NUCKS1: variants seen among roughly 807,000 people sequenced by gnomAD.
The protein encoded by NUCKS1 is nuclear casein kinase and cyclin dependent kinase substrate 1, also known as nuclear ubiquitous casein and cyclin-dependent kinase substrate 1.
NUCKS1 carries 2 observed loss-of-function variants against 33.0 expected under a neutral mutation model. The ratio of observed to expected loss-of-function variants is 0.06; its 90% CI spans 0.02 to 0.19. The LOEUF (loss-of-function observed/expected upper bound fraction) is 0.19. Among genes scored for constraint, NUCKS1 ranks in the 10% least tolerant of loss-of-function variants. NUCKS1 has a pLI of 1.00. For missense variants in NUCKS1, 201 were observed against 293.6 expected, an observed-to-expected ratio of 0.68 and a Z score of 2.31; for synonymous variants, 106 against 102.8, an observed-to-expected ratio of 1.03 and a Z score of -0.19.
chr1:205,740,631 A>AC (rs1238798739), intron 1 of NUCKS1, among the ~76,000 whole-genome samples: 1 of 152,018 alleles, frequency 6.6e-6, no homozygotes, highest in Admixed American at 6.6e-5. Flanking sequence ...TAAAATAAAT[A>AC]TAAAATTCAC....
At chr1:205,721,414 A>C (rs1340025624) in intron 4 of NUCKS1, among the ~76,000 whole-genome samples, 1 of 152,246 alleles carries the variant, frequency 6.6e-6, no homozygotes, top group Non-Finnish European at 1.5e-5. Context: ...AGCTGAATTA[A>C]AGCGTGAATA....
At position 205,750,023 on chromosome 1, in the gene NUCKS1, C is replaced by T. The variant is rs1267137753; in HGVS notation, c.-50G>A. ...TCGAGAAGCCAAAGACCAGGACCCC[C>T]CCCACCCCGCGCGCTCGGCGCCCCA... is the stretch of plus-strand genomic sequence containing the variant. On this transcript the variant is annotated 5_prime_UTR_variant, in exon 1 of 7. Coordinates refer to ENST00000367142, the MANE Select transcript of NUCKS1 (RefSeq NM_022731.5). 4.1e-6 allele frequency: 4 copies of T among 964,748 alleles called. No individual in the cohort carries two copies. Among genetic ancestry groups the T allele is most frequent in the Non-Finnish European group, 4.5e-6 (3 of 673,696 alleles). The allele number at this position is 964,748 out of a possible 1,614,324, so 59.8% of individuals were successfully genotyped here.
Position 205,727,787 on chromosome 1 carries a change from T to G in NUCKS1, c.86A>C (p.Asp29Ala). 6.2e-7 allele frequency: 1 copy of G among 1,612,112 alleles called. No homozygotes were observed. Among genetic ancestry groups the G allele is most frequent in the Non-Finnish European group, 8.5e-7 (1 of 1,178,596 alleles). The change falls in exon 3 of 7, where the codon GAT (aspartate) becomes GCT (alanine). Residue 29 changes from aspartate to alanine, a missense_variant. Physicochemically the swap from Asp to Ala is moderately radical, Grantham distance 126 (BLOSUM62 -2). Coordinates refer to ENST00000367142, the MANE Select transcript of NUCKS1 (RefSeq NM_022731.5). ...AATTTTCTTAGTGGGAGGGCCCGAA[T>G]CTCTTCCATAATCTTCATCTAAACA... ...SDDADEDYGR[D>A]SGPPTKKIRS...
intron 1 of NUCKS1, chr1:205,731,157 A>G (rs1341455100): frequency 1.3e-5 from 2 of 152,194 alleles, no homozygotes; most frequent in East Asian, 3.9e-4. Context: ...ATGTACATCT[A>G]TGTATTTGAC....
Position 205,750,014 on chromosome 1 carries a change from C to CCGGGGGGG in NUCKS1, c.-42_-41insCCCCCCCG. 5 of 1,568,852 alleles carry CCGGGGGGG rather than the reference C, an allele frequency of 3.2e-6. No individual in the cohort carries two copies. The highest frequency in any genetic ancestry group is 1.7e-5 in the Admixed American group (1 of 57,672). ...AGGACCGAGTCGAGAAGCCAAAGAC[C>CCGGGGGGG]AGGACCCCCCCCACCCCGCGCGCTC... On this transcript the variant is annotated 5_prime_UTR_variant, in exon 1 of 7. Transcript: ENST00000367142.
intron 1 of NUCKS1, among the ~76,000 whole-genome samples, chr1:205,747,653 C>T (rs946358986): frequency 6.6e-6 from 1 of 152,164 alleles, no homozygotes; most frequent in African/African-American, 2.4e-5. Flanking sequence ...AGAAATACCC[C>T]AAAAGACGAC....
intron 1 of NUCKS1, among the ~76,000 whole-genome samples, chr1:205,738,516 G>A (rs1368504084): frequency 6.7e-6 from 1 of 149,540 alleles, no homozygotes; most frequent in Non-Finnish European, 1.5e-5. Context: ...CTCCCACCAT[G>A]CTGAGATTAC....
At chr1:205,725,558 G>A (rs1653745361) in intron 3 of NUCKS1, among the ~76,000 whole-genome samples, 1 of 152,148 alleles carries the variant, frequency 6.6e-6, no homozygotes, top group Non-Finnish European at 1.5e-5. Flanking sequence ...CTAACACAAT[G>A]ATGAATTATA....
In NUCKS1 at chr1:205,750,067, C is replaced by A; in HGVS notation, c.-94G>T. ...CGCCCCACCCCCCCCGAACTTCAGC[C>A]GATGGGACCGCTGCTGCCGAACCCC... On this transcript the variant is annotated 5_prime_UTR_variant, in exon 1 of 7. Transcript: ENST00000367142. The A allele has an allele frequency of 8.6e-7, 1 of 1,159,024 alleles. No individual in the cohort carries two copies. The highest frequency in any genetic ancestry group is 1.2e-6 in the Non-Finnish European group (1 of 861,356). 71.8% of individuals were successfully genotyped at this position (1,159,024 alleles called of 1,614,324 possible).
At position 205,717,890 on chromosome 1, in the gene NUCKS1, A is replaced by G; in HGVS notation, c.*390T>C. 13 of 988,476 alleles carry G rather than the reference A, an allele frequency of 1.3e-5. No homozygotes were observed. Among genetic ancestry groups the G allele is most frequent in the Non-Finnish European group, 1.6e-5 (13 of 831,930 alleles). The allele number at this position is 988,476 out of a possible 1,614,324, so 61.2% of individuals were successfully genotyped here. ...TTCAACTTGCTATTTTTTAGCAAAAAGCGAAGTTTCAATAGTGTTCATCTC... is the reference window on the plus strand; with the variant it reads ...TTCAACTTGCTATTTTTTAGCAAAAGGCGAAGTTTCAATAGTGTTCATCTC... On this transcript the variant is annotated 3_prime_UTR_variant, in exon 7 of 7. Coordinates refer to ENST00000367142, the MANE Select transcript of NUCKS1 (RefSeq NM_022731.5).
intron 3 of NUCKS1, among the ~76,000 whole-genome samples, chr1:205,724,591 G>A (rs540305513): frequency 7.6e-4 from 116 of 152,196 alleles, no homozygotes; most frequent in African/African-American, 2.7e-3. Flanking sequence ...CTACTCGGGA[G>A]GCTGAGAGAG....
intron 6 of NUCKS1, 68 bp from the exon 7 acceptor site, chr1:205,718,547 A>C: frequency 6.3e-7 from 1 of 1,580,542 alleles, no homozygotes; most frequent in Non-Finnish European, 8.6e-7. Flanking sequence ...TCAGCTACAA[A>C]ATACAACAAT....
chr1:205,749,353 C>T (rs949552991), intron 1 of NUCKS1, among the ~76,000 whole-genome samples: 1 of 152,246 alleles, frequency 6.6e-6, no homozygotes, highest in Admixed American at 6.5e-5. Flanking sequence ...AAACGGGTCC[C>T]GCCCACGCTC....
intron 1 of NUCKS1, among the ~76,000 whole-genome samples, chr1:205,736,583 G>C (rs1654039932): frequency 6.6e-6 from 1 of 152,020 alleles, no homozygotes; most frequent in Non-Finnish European, 1.5e-5. Flanking sequence ...CCAGCACTTT[G>C]AGAGGCCGAG....
At position 205,716,381 on chromosome 1, in the gene NUCKS1, C is replaced by T. The variant is rs1022587094; in HGVS notation, c.*1899G>A. 5.3e-5 allele frequency: 8 copies of T among 152,192 alleles called. No individual in the cohort carries two copies. Among genetic ancestry groups the T allele is most frequent in the Non-Finnish European group, 8.8e-5 (6 of 68,026 alleles). 9.4% of individuals were successfully genotyped at this position (152,192 alleles called of 1,614,324 possible). On this transcript the variant is annotated 3_prime_UTR_variant, in exon 7 of 7. Coordinates refer to ENST00000367142, the MANE Select transcript of NUCKS1 (RefSeq NM_022731.5). ...AGGTCTTTTACTATATGAACACAAA[C>T]TTCTTTGTTAAAAATGGATACCTGA...
Position 205,715,982 on chromosome 1 carries a change from A to G in NUCKS1, c.*2298T>C, listed in dbSNP as rs546496786. 3 of 152,256 alleles carry G rather than the reference A, an allele frequency of 2.0e-5. No homozygotes were observed. Among genetic ancestry groups the G allele is most frequent in the South Asian group, 4.1e-4 (2 of 4,832 alleles). The allele number at this position is 152,256 out of a possible 1,614,324, so 9.4% of individuals were successfully genotyped here. ...TTTAAATCATCAATAAAAAGTGGAG[A>G]AAACAAAGGTTATTCAGAGCCTGTC... On this transcript the variant is annotated 3_prime_UTR_variant, in exon 7 of 7. Transcript: ENST00000367142.
In NUCKS1 at chr1:205,716,564, A is replaced by C. The variant is rs1671825514; in HGVS notation, c.*1716T>G. 6.6e-6 allele frequency: 1 copy of C among 152,216 alleles called. No homozygotes were observed. The highest frequency in any genetic ancestry group is 6.5e-5 in the Admixed American group (1 of 15,268). The allele number at this position is 152,216 out of a possible 1,614,324, so 9.4% of individuals were successfully genotyped here. A position where few individuals can be genotyped will look rare whatever the true frequency, so the allele number is the denominator to read the frequency against. On this transcript the variant is annotated 3_prime_UTR_variant, in exon 7 of 7. Coordinates refer to ENST00000367142, the MANE Select transcript of NUCKS1 (RefSeq NM_022731.5). ...ACTGAAAACTCCTTATTCATTCTTT[A>C]ACACACAGTGCAATAGTGAAATGAC... is the stretch of plus-strand genomic sequence containing the variant.
At position 205,718,333 on chromosome 1, in the gene NUCKS1, C is replaced by G. The variant is rs764048321; in HGVS notation, c.679G>C (p.Glu227Gln). 1.9e-6 allele frequency: 3 copies of G among 1,613,142 alleles called. No individual in the cohort carries two copies. The Admixed American group carries it at 5.0e-5, about 27-fold the overall frequency. Residue 227 changes from glutamate (E) to glutamine (Q), a missense_variant, in exon 7 of 7, where the codon GAG becomes CAG. Glu to Gln is a conservative substitution (Grantham distance 29). Coordinates refer to ENST00000367142, the MANE Select transcript of NUCKS1 (RefSeq NM_022731.5). ...EKKTSTSPPP[E>Q]KSGDEGSEDE... ...TCAGACCCTTCATCCCCAGATTTCT[C>G]GGGTGGGGGGCTTGTAGATGTTTTC...
rs949904006 is a variant in NUCKS1, at chr1:205,750,152, C to T, written c.-179G>A. 2.8e-5 allele frequency: 18 copies of T among 642,692 alleles called. No individual in the cohort carries two copies. Among genetic ancestry groups the T allele is most frequent in the Admixed American group, 1.3e-4 (5 of 37,468 alleles). The allele number at this position is 642,692 out of a possible 1,614,324, so 39.8% of individuals were successfully genotyped here. On this transcript the variant is annotated 5_prime_UTR_variant, in exon 1 of 7. Coordinates refer to ENST00000367142, the MANE Select transcript of NUCKS1 (RefSeq NM_022731.5). ...GTTCAGGGCTCCTGGAACAGACGAG[C>T]CCCCCGCTCCCCCGTCTCTTCAAAA...
Sources: gnomAD v4.1 joint callset for allele counts (sites outside exome capture counted in the v4.1 genomes callset) on GRCh38, gnomAD v4.1.1 for gene constraint, MANE v1.5 for transcripts, NCBI Gene and HGNC (gene_info 2026-07-23, HGNC 2026-07-21) for gene names.